GTF2F2: variants seen among roughly 807,000 people sequenced by gnomAD.
GTF2F2 encodes the protein ATP-dependent helicase GTF2F2.
Under a neutral mutation model 42.2 loss-of-function variants are expected in GTF2F2, and 23 were observed. The ratio of observed to expected loss-of-function variants is 0.55; its 90% CI spans 0.39 to 0.77. The LOEUF (loss-of-function observed/expected upper bound fraction) is 0.77, where lower values mean the gene tolerates loss of function less well. Ranked by LOEUF, GTF2F2 falls within the 30% of genes least tolerant of loss-of-function variation. The probability of loss-of-function intolerance (pLI) is 0.00; values close to 1 mark genes in which losing one functional copy is unlikely to be tolerated. For synonymous variants in GTF2F2, 105 were observed against 100.8 expected, an observed-to-expected ratio of 1.04 and a Z score of -0.25; for missense variants, 261 against 287.2, an observed-to-expected ratio of 0.91 and a Z score of 0.66.
intron 5 of GTF2F2, among the ~76,000 whole-genome samples, chr13:45,210,499 C>G (rs942970739): frequency 1.3e-5 from 2 of 152,210 alleles, no homozygotes; most frequent in Admixed American, 1.3e-4. Context: ...TTCTTCATAG[C>G]ACACGTCACC....
chr13:45,196,200 A>G (rs138401416), intron 4 of GTF2F2, among the ~76,000 whole-genome samples: 1 of 152,222 alleles, frequency 6.6e-6, no homozygotes, highest in Admixed American at 6.5e-5. Context: ...AAACTAAGGC[A>G]TAATGTTTTT....
chr13:45,272,559 A>T (rs1876843548), intron 7 of GTF2F2, among the ~76,000 whole-genome samples: 1 of 151,490 alleles, frequency 6.6e-6, no homozygotes, highest in Non-Finnish European at 1.5e-5. Flanking sequence ...CCTGGACAAC[A>T]TGGTGAAACC....
At chr13:45,279,157 C>T (rs1393759789) in intron 7 of GTF2F2, among the ~76,000 whole-genome samples, 3 of 152,164 alleles carry the variant, frequency 2.0e-5, no homozygotes, top group South Asian at 2.1e-4. Flanking sequence ...ATCCTCTGCA[C>T]TAATCTTAAA....
intron 5 of GTF2F2, among the ~76,000 whole-genome samples, chr13:45,245,682 TATA>T (rs1875556920): frequency 8.9e-6 from 1 of 112,806 alleles, no homozygotes; most frequent in Admixed American, 7.8e-5. Flanking sequence ...TATATATATA[TATA>T]TATATATATA....
intron 4 of GTF2F2, among the ~76,000 whole-genome samples, chr13:45,196,875 T>TC (rs1292490015): frequency 6.6e-6 from 1 of 152,124 alleles, no homozygotes; most frequent in Non-Finnish European, 1.5e-5. Context: ...CTGCTGACCT[T>TC]CAGTCATCAC....
At chr13:45,227,848 G>A (rs1419119397) in intron 5 of GTF2F2, among the ~76,000 whole-genome samples, 2 of 152,138 alleles carry the variant, frequency 1.3e-5, no homozygotes, top group Non-Finnish European at 2.9e-5. Flanking sequence ...TGGGGAAATG[G>A]CACAAATGCC....
intron 4 of GTF2F2, among the ~76,000 whole-genome samples, chr13:45,176,008 A>G (rs933670352): frequency 6.6e-6 from 1 of 152,180 alleles, no homozygotes; most frequent in African/African-American, 2.4e-5. Flanking sequence ...GTCATGGAGT[A>G]CTGTTTTCTA....
intron 5 of GTF2F2, among the ~76,000 whole-genome samples, chr13:45,217,208 G>A (rs777040178): frequency 6.7e-6 from 1 of 149,604 alleles, no homozygotes; most frequent in Non-Finnish European, 1.5e-5. Flanking sequence ...TTGAGGCAGA[G>A]AATTGCTTGA....
intron 6 of GTF2F2, among the ~76,000 whole-genome samples, chr13:45,261,088 TG>T (rs1259244608): frequency 4.0e-5 from 6 of 151,856 alleles, no homozygotes; most frequent in African/African-American, 1.5e-4. Context: ...ATTGCGCCAC[TG>T]CACTCCAGCC....
chr13:45,124,212 A>G (rs933772919), intron 1 of GTF2F2: 3 of 377,394 alleles, frequency 7.9e-6, no homozygotes, highest in Non-Finnish European at 1.5e-5. Flanking sequence ...CCTCCCGAGT[A>G]GCTGGGACTA....
chr13:45,230,865 A>G (rs1874640663), intron 5 of GTF2F2, among the ~76,000 whole-genome samples: 1 of 152,206 alleles, frequency 6.6e-6, no homozygotes, highest in Non-Finnish European at 1.5e-5. Flanking sequence ...ATGTAAATTC[A>G]TAAGGATAAG....
intron 4 of GTF2F2, among the ~76,000 whole-genome samples, chr13:45,172,398 T>G (rs1243178887): frequency 1.3e-5 from 2 of 152,238 alleles, no homozygotes; most frequent in Non-Finnish European, 2.9e-5. Flanking sequence ...GTTGTTTATC[T>G]TTTTATTATT....
chr13:45,189,218 C>T (rs2138165972), intron 4 of GTF2F2, among the ~76,000 whole-genome samples: 1 of 152,286 alleles, frequency 6.6e-6, no homozygotes, highest in South Asian at 2.1e-4. Flanking sequence ...CATGTCCCTG[C>T]AAAGGACATC....
intron 4 of GTF2F2, among the ~76,000 whole-genome samples, chr13:45,154,317 A>G (rs950725425): frequency 2.0e-5 from 3 of 152,254 alleles, no homozygotes; most frequent in African/African-American, 7.2e-5. Flanking sequence ...TGTTAGCCTC[A>G]AAATTAGTCT....
intron 5 of GTF2F2, among the ~76,000 whole-genome samples, chr13:45,247,155 GCCTGA>G: frequency 6.6e-6 from 1 of 151,976 alleles, no homozygotes; most frequent in Non-Finnish European, 1.5e-5. Context: ...TTCGAGACCA[GCCTGA>G]CCAACATTGC....
intron 2 of GTF2F2, among the ~76,000 whole-genome samples, chr13:45,143,519 T>C (rs7330001): frequency 0.36 from 54,091 of 152,150 alleles, 13,263 homozygotes; most frequent in African/African-American, 0.7. Context: ...CTCCTGCTGT[T>C]GTAACCACGC....
chr13:45,165,233 A>T (rs1871221767), intron 4 of GTF2F2, among the ~76,000 whole-genome samples: 1 of 149,416 alleles, frequency 6.7e-6, no homozygotes, highest in Admixed American at 6.7e-5. Flanking sequence ...ATAGAATGGA[A>T]AAAACGGAGA....
intron 5 of GTF2F2, among the ~76,000 whole-genome samples, chr13:45,241,826 G>A (rs1875326606): frequency 6.6e-6 from 1 of 151,984 alleles, no homozygotes. Context: ...AACGCACTGG[G>A]TTTTACATGC....
chr13:45,169,578 G>A (rs1871491470), intron 4 of GTF2F2, among the ~76,000 whole-genome samples: 1 of 152,166 alleles, frequency 6.6e-6, no homozygotes, highest in South Asian at 2.1e-4. Context: ...TCTAGTTGAG[G>A]ATTTTTAGAA....
Sources: allele counts gnomAD v4.1 joint callset (sites outside exome capture counted in the v4.1 genomes callset), GRCh38; gene constraint gnomAD v4.1.1; transcripts MANE v1.5; gene names NCBI Gene and HGNC (gene_info 2026-07-23, HGNC 2026-07-21).